The following LHPP variants were observed in gnomAD, a reference collection of about 807,000 sequenced individuals.
The protein encoded by LHPP is hLHPP.
Under a neutral mutation model 30.3 loss-of-function variants are expected in LHPP, and 24 were observed. The ratio of observed to expected loss-of-function variants is 0.79; its 90% CI spans 0.57 to 1.11. The LOEUF is 1.11. Ranked by LOEUF, LHPP falls within the 50% of genes most tolerant of loss-of-function variation. The pLI, the probability that LHPP is intolerant of heterozygous loss-of-function variation, is 0.00. For missense variants in LHPP, 356 were observed against 367.2 expected (o/e 0.97, Z 0.25); for synonymous variants, 150 against 157.1 (o/e 0.95, Z 0.34).
intron 6 of LHPP, chr10:124,605,577 C>G (rs955389866): frequency 2.0e-5 from 3 of 152,274 alleles, no homozygotes; most frequent in African/African-American, 7.2e-5. Context: ...AAGAGCATTC[C>G]AGGGCACAGC....
chr10:124,513,719 G>C (rs1415082466), intron 5 of LHPP, among the ~76,000 whole-genome samples: 1 of 150,612 alleles, frequency 6.6e-6, no homozygotes, highest in Non-Finnish European at 1.5e-5. Flanking sequence ...GCCTCCCAAA[G>C]TGCTGGGATT....
rs1354260884 is a variant in LHPP, at chr10:124,554,054, T to G, written c.716+36783T>G. The G allele has an allele frequency of 7.1e-6, 7 of 985,348 alleles. 1 individual carries two copies. The African/African-American group carries it at 1.0e-4, about 15-fold the overall frequency. 61.0% of individuals were successfully genotyped at this position (985,348 alleles called of 1,614,324 possible). On this transcript the variant is annotated intron_variant, in intron 6 of 6. Coordinates refer to ENST00000368842, the MANE Select transcript of LHPP (RefSeq NM_022126.4). Reference sequence around the variant, plus strand: ...TGCAGATAGAAGAAGGCCTCGAGCCTGTAGTTGCGGGGCGGTGGTCAGCCT... The same window carrying G: ...TGCAGATAGAAGAAGGCCTCGAGCCGGTAGTTGCGGGGCGGTGGTCAGCCT...
intron 5 of LHPP, chr10:124,498,534 A>T: frequency 7.2e-7 from 1 of 1,398,400 alleles, no homozygotes; most frequent in South Asian, 1.5e-5. Context: ...CTATTTTGGG[A>T]TAGATTGCCT....
chr10:124,517,210 G>T lies in LHPP; in HGVS notation c.655G>T (p.Asp219Tyr). ...CATGATTGGGGACGATATCGTGGGC[G>T]ACGTCGGCGGTGCCCAGCGGTGTGG... ...AVMIGDDIVGDVGGAQRCGMR... is the reference protein window; with the variant it reads ...AVMIGDDIVGYVGGAQRCGMR... Residue 219 changes from aspartate to tyrosine, a missense_variant, in exon 6 of 7, where the codon GAC becomes TAC. Physicochemically the swap from Asp to Tyr is radical, Grantham distance 160. Coordinates refer to ENST00000368842, the MANE Select transcript of LHPP (RefSeq NM_022126.4). The surrounding 1 kb of genome is among the most constrained non-coding windows in gnomAD (Gnocchi z 4.1). The T allele has an allele frequency of 6.2e-7, 1 of 1,606,504 alleles. No homozygotes were observed. The highest frequency in any genetic ancestry group is 1.1e-5 in the South Asian group (1 of 89,712).
rs904318739 is a variant in LHPP at position 124,576,667 on chromosome 10, A to C, written c.717-36597A>C. Among the ~76,000 whole-genome samples the C allele has an allele frequency of 2.0e-5, 3 of 151,902 alleles. No homozygotes were observed. The highest frequency in any genetic ancestry group is 4.4e-5 in the Non-Finnish European group (3 of 67,966). On this transcript the variant is annotated intron_variant, in intron 6 of 6. Transcript: ENST00000368842. The surrounding 1 kb of genome is among the most constrained non-coding windows in gnomAD (Gnocchi z 4.2). ...CAGAGGTCTCCTCACTGCACACACAAAACTCCTTCCCTGAGCGAGGGATAG... is the reference window on the plus strand; with the variant it reads ...CAGAGGTCTCCTCACTGCACACACACAACTCCTTCCCTGAGCGAGGGATAG...
chr10:124,539,181 C>T (rs1955113185), intron 6 of LHPP, among the ~76,000 whole-genome samples: 1 of 152,148 alleles, frequency 6.6e-6, no homozygotes, highest in African/African-American at 2.4e-5. Context: ...AAATGACTCC[C>T]CTCGTCCTGA....
chr10:124,541,594 G>A lies in LHPP; in HGVS notation c.716+24323G>A, dbSNP rs1193393236. 1.3e-5 allele frequency among the ~76,000 whole-genome samples: 2 copies of A among 152,242 alleles called. No homozygotes were observed. Among genetic ancestry groups the A allele is most frequent in the South Asian group, 2.1e-4 (1 of 4,828 alleles). On this transcript the variant is annotated intron_variant, in intron 6 of 6. Coordinates refer to ENST00000368842, the MANE Select transcript of LHPP (RefSeq NM_022126.4). This position sits in a 1 kb window ranked among gnomAD's most constrained non-coding sequence, Gnocchi z 4.2. ...TCATGCCTGTCTGCAGGACCCCCGC[G>A]TGAGCCTGGGACCACCCGTGGGGAC...
At chr10:124,465,947 C>CT (rs778520387) in intron 1 of LHPP, among the ~76,000 whole-genome samples, 1 of 152,180 alleles carries the variant, frequency 6.6e-6, no homozygotes, top group Non-Finnish European at 1.5e-5. Flanking sequence ...TTTGAGAACA[C>CT]TTTCTCTGTG....
intron 6 of LHPP, among the ~76,000 whole-genome samples, chr10:124,543,656 C>A (rs930109350): frequency 6.6e-6 from 1 of 152,210 alleles, no homozygotes; most frequent in Non-Finnish European, 1.5e-5. Context: ...GTCCGTGGGG[C>A]CTGTCTGGGC....
At chr10:124,583,436 C>G (rs1948766546) in intron 6 of LHPP, among the ~76,000 whole-genome samples, 1 of 152,122 alleles carries the variant, frequency 6.6e-6, no homozygotes, top group Non-Finnish European at 1.5e-5. Flanking sequence ...GCACACTTGT[C>G]AAAAATCAGT....
intron 6 of LHPP, among the ~76,000 whole-genome samples, chr10:124,569,322 A>G (rs1354926892): frequency 6.6e-6 from 1 of 152,146 alleles, no homozygotes; most frequent in Admixed American, 6.5e-5. Context: ...CGTAGGAATG[A>G]GGCCTTTCAC....
intron 1 of LHPP, among the ~76,000 whole-genome samples, chr10:124,473,679 G>A (rs755718252): frequency 3.9e-5 from 6 of 152,162 alleles, no homozygotes; most frequent in Non-Finnish European, 5.9e-5. Context: ...TGGGTGGGGC[G>A]AGGCGACTCA....
chr10:124,462,275 G>T (rs760083200), intron 1 of LHPP, among the ~76,000 whole-genome samples: 1 of 152,216 alleles, frequency 6.6e-6, no homozygotes, highest in Non-Finnish European at 1.5e-5. Flanking sequence ...ATTGAGATGT[G>T]CTGTAAGCGT....
At chr10:124,537,934 C>A (rs1174676682) in intron 6 of LHPP, among the ~76,000 whole-genome samples, 1 of 152,242 alleles carries the variant, frequency 6.6e-6, no homozygotes, top group African/African-American at 2.4e-5. Context: ...GCCAAGGGGC[C>A]ATGGTGGACA....
At chr10:124,554,623 C>T (rs191360193) in intron 6 of LHPP, among the ~76,000 whole-genome samples, 1 of 152,348 alleles carries the variant, frequency 6.6e-6, no homozygotes, top group Admixed American at 6.5e-5. Flanking sequence ...CTATCATTGA[C>T]AGCCCTAGAC....
chr10:124,480,007 G>C (rs1953076868), intron 1 of LHPP, among the ~76,000 whole-genome samples: 1 of 152,150 alleles, frequency 6.6e-6, no homozygotes, highest in African/African-American at 2.4e-5. Flanking sequence ...AAATACCTTG[G>C]GCACGAGGAC....
intron 3 of LHPP, among the ~76,000 whole-genome samples, chr10:124,491,756 C>G (rs575872178): frequency 1.0e-4 from 15 of 149,766 alleles, no homozygotes; most frequent in African/African-American, 3.6e-4. Flanking sequence ...GAAACCCTGT[C>G]TCTACTAAAA....
intron 5 of LHPP, among the ~76,000 whole-genome samples, chr10:124,508,151 A>G (rs1954205498): frequency 6.6e-6 from 1 of 151,992 alleles, no homozygotes; most frequent in Non-Finnish European, 1.5e-5. Context: ...ATGTCTGTCC[A>G]CATGGGGGCC....
In LHPP at chr10:124,514,950, C is replaced by T. The variant is rs565913948; in HGVS notation, c.625-2230C>T. ...CCAAGTAGCTGGGACTACAGGCGTG[C>T]GCCACCACATCTGGCTAATTTTTTA... On this transcript the variant is annotated intron_variant, in intron 5 of 6. Transcript: ENST00000368842. 1.9e-3 allele frequency among the ~76,000 whole-genome samples: 293 copies of T among 151,844 alleles called. 3 individuals are homozygous for T. The highest frequency in any genetic ancestry group is 3.4e-4 in the Non-Finnish European group (23 of 67,922).
Sources: allele counts gnomAD v4.1 joint callset (sites outside exome capture counted in the v4.1 genomes callset), GRCh38; gene constraint gnomAD v4.1.1; non-coding constraint Gnocchi (gnomAD v3.1); transcripts MANE v1.5; gene names NCBI Gene and HGNC (gene_info 2026-07-23, HGNC 2026-07-21).